Variants in HNRNPC observed in about 807,000 individuals in gnomAD.
HNRNPC encodes heterogeneous nuclear ribonucleoproteins C1/C2.
In HNRNPC, 3 loss-of-function variants were observed where a neutral mutation model predicts 33.2. The observed-to-expected ratio is 0.09, with a 90% confidence interval of 0.04 to 0.23. HNRNPC has a LOEUF of 0.23. Ranked by LOEUF, HNRNPC falls within the 10% of genes least tolerant of loss-of-function variation. The probability of loss-of-function intolerance (pLI) is 1.00; values close to 1 mark genes in which losing one functional copy is unlikely to be tolerated. For synonymous variants in HNRNPC, 121 were observed against 126.7 expected, an observed-to-expected ratio of 0.96 and a Z score of 0.30; for missense variants, 143 against 366.7, an observed-to-expected ratio of 0.39 and a Z score of 4.98.
At chr14:21,244,819 C>G (rs1349023992) in intron 2 of HNRNPC, among the ~76,000 whole-genome samples, 1 of 152,080 alleles carries the variant, frequency 6.6e-6, no homozygotes, top group Admixed American at 6.6e-5. Context: ...GTACTGAACA[C>G]TATAAGAAGT....
rs554188027 is a variant in HNRNPC, at chr14:21,214,516, CAGG to C, written c.366-1402_366-1400del. ...CTGAGATGGAAAGACAGGTTGAGCC[CAGG>C]AGGTGAGAGAACCATGACTGCACCA... On this transcript the variant is annotated intron_variant, in intron 5 of 8. Coordinates refer to ENST00000553300, the MANE Select transcript of HNRNPC (RefSeq NM_004500.4). Among the ~76,000 whole-genome samples the C allele has an allele frequency of 2.0e-4, 30 of 152,078 alleles. No individual in the cohort carries two copies. In the East Asian group the frequency reaches 5.8e-3, roughly 29 times the overall value.
At chr14:21,227,343 C>T (rs1893584757) in intron 5 of HNRNPC, among the ~76,000 whole-genome samples, 1 of 152,190 alleles carries the variant, frequency 6.6e-6, no homozygotes. Context: ...CAACAAAGAT[C>T]TCAGTACTCT....
intron 2 of HNRNPC, among the ~76,000 whole-genome samples, chr14:21,237,402 T>C (rs1894818656): frequency 6.6e-6 from 1 of 152,228 alleles, no homozygotes; most frequent in African/African-American, 2.4e-5. Context: ...GAATCCACAG[T>C]ATTAACTTGT....
At position 21,244,533 on chromosome 14, in the gene HNRNPC, C is replaced by T. The variant is rs143263950; in HGVS notation, c.-36-10304G>A. Among the ~76,000 whole-genome samples the T allele has an allele frequency of 3.4e-3, 511 of 152,296 alleles. 4 individuals are homozygous for T. Among genetic ancestry groups the T allele is most frequent in the African/African-American group, 0.012 (491 of 41,558 alleles). ...TGAATTGCCAAAGTCAGAGAACTCA[C>T]AATCTAATGATATACGATTCTAAAT... On this transcript the variant is annotated intron_variant, in intron 2 of 8. Transcript: ENST00000553300.
At chr14:21,253,103 G>A (rs1896844824) in intron 2 of HNRNPC, among the ~76,000 whole-genome samples, 1 of 151,298 alleles carries the variant, frequency 6.6e-6, no homozygotes, top group Non-Finnish European at 1.5e-5. Context: ...GAACCTGGGA[G>A]GTGGAAGTTG....
chr14:21,228,520 T>C (rs1375850696), intron 5 of HNRNPC, among the ~76,000 whole-genome samples: 6 of 151,994 alleles, frequency 3.9e-5, no homozygotes, highest in African/African-American at 1.4e-4. Context: ...TCCTCCTGAG[T>C]AGCTGGGACT....
intron 2 of HNRNPC, among the ~76,000 whole-genome samples, chr14:21,261,344 G>A (rs1297865217): frequency 4.6e-5 from 7 of 151,994 alleles, no homozygotes; most frequent in Admixed American, 6.6e-5. Context: ...AACAGCTTCC[G>A]TACACTGACA....
intron 5 of HNRNPC, among the ~76,000 whole-genome samples, chr14:21,220,001 C>A (rs1015758201): frequency 4.6e-5 from 7 of 152,174 alleles, no homozygotes; most frequent in Admixed American, 6.6e-5. Context: ...TGCTTTTCAT[C>A]ACTCCCATTG....
intron 5 of HNRNPC, 83 bp downstream of exon 5, chr14:21,230,236 G>T: frequency 1.1e-6 from 1 of 927,286 alleles, no homozygotes; most frequent in Non-Finnish European, 1.7e-6. Context: ...AAACATCTTT[G>T]ATGTTCATCA....
chr14:21,239,020 G>A (rs1213667485), intron 2 of HNRNPC, among the ~76,000 whole-genome samples: 3 of 150,102 alleles, frequency 2.0e-5, no homozygotes, highest in South Asian at 2.1e-4. Flanking sequence ...CCAGCTACTC[G>A]GGAGGCTGAG....
intron 2 of HNRNPC, among the ~76,000 whole-genome samples, chr14:21,262,216 T>C (rs1310099138): frequency 6.6e-6 from 1 of 152,198 alleles, no homozygotes; most frequent in Non-Finnish European, 1.5e-5. Context: ...AAAGTCTAAA[T>C]AGAATATAAT....
At chr14:21,236,101 T>C (rs1196293934) in intron 2 of HNRNPC, among the ~76,000 whole-genome samples, 1 of 152,294 alleles carries the variant, frequency 6.6e-6, no homozygotes, top group Non-Finnish European at 1.5e-5. Flanking sequence ...CTAGTACTAA[T>C]CAAGATGCAA....
chr14:21,267,814 C>T (rs918577789), intron 1 of HNRNPC, among the ~76,000 whole-genome samples: 3 of 152,192 alleles, frequency 2.0e-5, no homozygotes, highest in African/African-American at 7.2e-5. Context: ...TTCTTAAATA[C>T]TAATTTCTGA....
intron 5 of HNRNPC, among the ~76,000 whole-genome samples, chr14:21,216,088 G>A (rs894329338): frequency 4.7e-5 from 6 of 128,192 alleles, no homozygotes; most frequent in Admixed American, 1.8e-4. Context: ...CAGCCTGGGC[G>A]ACAGAGTAAA....
chr14:21,244,453 G>T (rs1292647150), intron 2 of HNRNPC, among the ~76,000 whole-genome samples: 7 of 152,166 alleles, frequency 4.6e-5, no homozygotes, highest in Non-Finnish European at 4.4e-5. Context: ...TCCCTCAAAA[G>T]ATGCTAAAAA....
At chr14:21,247,969 C>T (rs943250407) in intron 2 of HNRNPC, among the ~76,000 whole-genome samples, 1 of 150,718 alleles carries the variant, frequency 6.6e-6, no homozygotes, top group South Asian at 2.1e-4. Context: ...CCAGCCTCGG[C>T]GATGCAGTAA....
At chr14:21,260,072 C>A (rs969940060) in intron 2 of HNRNPC, among the ~76,000 whole-genome samples, 2 of 144,678 alleles carry the variant, frequency 1.4e-5, no homozygotes, top group African/African-American at 2.6e-5. Context: ...TAGTGGCGGG[C>A]GCCTGTAGTC....
intron 2 of HNRNPC, among the ~76,000 whole-genome samples, chr14:21,244,022 T>G (rs1895660161): frequency 6.7e-6 from 1 of 149,922 alleles, no homozygotes; most frequent in Non-Finnish European, 1.5e-5. Context: ...ATCTGCATAT[T>G]TCCTCCAAGT....
intron 1 of HNRNPC, chr14:21,264,753 G>A (rs1013636886): frequency 6.6e-6 from 1 of 152,232 alleles, no homozygotes; most frequent in African/African-American, 2.4e-5. Flanking sequence ...TTAAGGCCAA[G>A]TGTGGTGGCT....
Sources: gnomAD v4.1 joint callset for allele counts (sites outside exome capture counted in the v4.1 genomes callset) on GRCh38, gnomAD v4.1.1 for gene constraint, MANE v1.5 for transcripts, NCBI Gene and HGNC (gene_info 2026-07-23, HGNC 2026-07-21) for gene names.